Variants in FRMPD3 observed in about 807,000 individuals in gnomAD.
FRMPD3 encodes the protein FERM and PDZ domain-containing protein 3.
Under a neutral mutation model 97.9 loss-of-function variants are expected in FRMPD3, and 42 were observed. The observed-to-expected ratio is 0.43, with a 90% confidence interval of 0.34 to 0.55. FRMPD3 has a LOEUF of 0.55. Among genes scored for constraint, FRMPD3 ranks in the 20% least tolerant of loss-of-function variants. The pLI is 0.03. For missense variants in FRMPD3, 1,303 were observed against 1,457.7 expected (o/e 0.89, Z 1.73); for synonymous variants, 577 against 581.1 (o/e 0.99, Z 0.10).
intron 4 of FRMPD3, among the ~76,000 whole-genome samples, chrX:107,535,967 G>A (rs1923220243): frequency 9.0e-6 from 1 of 111,295 alleles, no homozygotes; most frequent in East Asian, 2.8e-4. Context: ...AGGATTCCTC[G>A]TGTTGTCCTT....
intron 1 of FRMPD3, among the ~76,000 whole-genome samples, chrX:107,489,072 G>T (rs1483817805): frequency 9.9e-6 from 1 of 101,009 alleles, no homozygotes; most frequent in African/African-American, 3.7e-5. Context: ...ACCTATGAGT[G>T]AGAACATGTG....
rs769787997 is a variant in FRMPD3 at position 107,597,570 on chromosome X, C to T, written c.1691C>T (p.Pro564Leu). The T allele has an allele frequency of 4.6e-5, 56 of 1,208,899 alleles. No homozygotes were observed. Among genetic ancestry groups the T allele is most frequent in the Non-Finnish European group, 6.0e-5 (54 of 895,126 alleles). The change falls in exon 14 of 15, where the codon CCC becomes CTC. Residue 564 changes from proline to leucine, a missense_variant. Pro to Leu is a moderately conservative substitution (Grantham distance 98). Around this residue, in one of 3 missense-constraint regions of FRMPD3, gnomAD observed 535 missense variants for 618.6 expected, o/e 0.86. Coordinates refer to ENST00000683843, the MANE Select transcript of FRMPD3 (RefSeq NM_001388459.1). Reference protein sequence around the residue: ...EETRPRTKSDPTSKSSGQGYE... With the variant: ...EETRPRTKSDLTSKSSGQGYE... ...ACCAGGCCCCGAACCAAGTCTGACC[C>T]CACATCCAAAAGCTCTGGCCAAGGT...
chrX:107,515,923 G>A (rs1242824649), intron 1 of FRMPD3, among the ~76,000 whole-genome samples: 1 of 110,844 alleles, frequency 9.0e-6, no homozygotes, highest in African/African-American at 3.3e-5. Context: ...TGTGCACAAC[G>A]TGCAGGTTAG....
chrX:107,584,851 G>A (rs1047916330), intron 13 of FRMPD3, among the ~76,000 whole-genome samples: 8 of 111,825 alleles, frequency 7.2e-5, no homozygotes, highest in African/African-American at 2.0e-4. Flanking sequence ...CTGTAGCCTC[G>A]TAGTATAGTT....
At chrX:107,514,928 A>G (rs1922268486) in intron 1 of FRMPD3, among the ~76,000 whole-genome samples, 1 of 111,573 alleles carries the variant, frequency 9.0e-6, no homozygotes, top group Non-Finnish European at 1.9e-5. Flanking sequence ...AATGACTCTC[A>G]GGTTTCTGGC....
chrX:107,486,886 C>T (rs1473959604), intron 1 of FRMPD3, among the ~76,000 whole-genome samples: 3 of 109,992 alleles, frequency 2.7e-5, no homozygotes, highest in Non-Finnish European at 5.7e-5. Flanking sequence ...TTTGTTTTGT[C>T]TAAGGAAAGT....
intron 6 of FRMPD3, 132 bp from the exon 7 acceptor site, chrX:107,552,663 G>C: frequency 1.5e-6 from 1 of 679,232 alleles, no homozygotes. Flanking sequence ...TACTATAAAG[G>C]CCAGTGTTGC....
At chrX:107,572,911 A>ACTACTACTACTACTACTAC (rs1365575864) in intron 12 of FRMPD3, among the ~76,000 whole-genome samples, 7 of 87,588 alleles carry the variant, frequency 8.0e-5, no homozygotes, top group African/African-American at 3.8e-4. Context: ...ACTACTACTA[A>ACTACTACTACTACTACTAC]TAATAATAAT....
At chrX:107,530,091 T>C (rs12011206) in intron 2 of FRMPD3, among the ~76,000 whole-genome samples, 12,429 of 111,775 alleles carry the variant, frequency 0.11, 1,496 homozygotes, top group African/African-American at 0.36. Flanking sequence ...TGGAACAGCA[T>C]CCTCTAACTA....
chrX:107,559,781 C>A (rs754729707), intron 8 of FRMPD3, among the ~76,000 whole-genome samples: 3 of 111,030 alleles, frequency 2.7e-5, no homozygotes, highest in Admixed American at 9.6e-5. Context: ...ATGCCTCCCC[C>A]ATCCCTGCAA....
intron 12 of FRMPD3, among the ~76,000 whole-genome samples, chrX:107,566,551 G>A (rs1023384353): frequency 8.9e-6 from 1 of 112,288 alleles, no homozygotes; most frequent in African/African-American, 3.2e-5. Flanking sequence ...GGCTTCCTGA[G>A]AAATAAAAGG....
chrX:107,467,422 C>A (rs777733940), intron 1 of FRMPD3, among the ~76,000 whole-genome samples: 1 of 111,288 alleles, frequency 9.0e-6, no homozygotes, highest in South Asian at 3.9e-4. Flanking sequence ...GAGACCTAAG[C>A]ATAGGACTAT....
At chrX:107,456,721 T>C (rs1406990238) in intron 1 of FRMPD3, among the ~76,000 whole-genome samples, 1 of 112,135 alleles carries the variant, frequency 8.9e-6, no homozygotes, top group African/African-American at 3.2e-5. Context: ...TAAAGGCCCT[T>C]TCAACAGCCC....
At position 107,602,032 on chromosome X, in the gene FRMPD3, C is replaced by G; in HGVS notation, c.3993C>G (p.Ser1331Arg). 1 of 1,181,138 alleles carries G rather than the reference C, an allele frequency of 8.5e-7. No individual in the cohort carries two copies. Among genetic ancestry groups the G allele is most frequent in the South Asian group, 1.9e-5 (1 of 51,605 alleles). ...GGGAAAGGGACAGAGTCCTCCCTAG[C>G]CAGAGGCAGCCAGAGGCTGGCCCAG... Reference protein sequence around the residue: ...RGRERDRVLPSQRQPEAGPGV... With the variant: ...RGRERDRVLPRQRQPEAGPGV... The change falls in exon 15 of 15, where the codon AGC becomes AGG. Residue 1331 changes from serine (S) to arginine (R), a missense_variant. Coordinates refer to ENST00000683843, the MANE Select transcript of FRMPD3 (RefSeq NM_001388459.1).
chrX:107,558,227 C>A (rs1314665520), intron 8 of FRMPD3, among the ~76,000 whole-genome samples: 10 of 110,987 alleles, frequency 9.0e-5, no homozygotes, highest in Non-Finnish European at 1.7e-4. Context: ...ATAGGTCTTT[C>A]ATATGTTTTG....
intron 1 of FRMPD3, among the ~76,000 whole-genome samples, chrX:107,467,343 C>G (rs1455041360): frequency 9.2e-6 from 1 of 109,172 alleles, no homozygotes; most frequent in African/African-American, 3.3e-5. Flanking sequence ...GTGTGGTGGC[C>G]TCCGAGGACT....
intron 1 of FRMPD3, among the ~76,000 whole-genome samples, chrX:107,451,073 T>C (rs772901100): frequency 1.8e-5 from 2 of 111,631 alleles, no homozygotes; most frequent in Non-Finnish European, 3.8e-5. Context: ...GTTTGACACC[T>C]TCCCCCAGAA....
At chrX:107,501,757 A>G (rs1263337642) in intron 1 of FRMPD3, among the ~76,000 whole-genome samples, 1 of 106,972 alleles carries the variant, frequency 9.3e-6, no homozygotes, top group Non-Finnish European at 1.9e-5. Context: ...CAGAAGATGA[A>G]TGACATAAGC....
rs1203795238 is a variant in FRMPD3 at position 107,603,224 on chromosome X, C to G, written c.5185C>G (p.Gln1729Glu). The G allele has an allele frequency of 8.5e-7, 1 of 1,169,819 alleles. No individual in the cohort carries two copies. Among genetic ancestry groups the G allele is most frequent in the Admixed American group, 2.6e-5 (1 of 38,963 alleles). Reference sequence around the variant, plus strand: ...GCAACAACAACAGCAGCAGCAGCAACAACAACAGCAGCAGCAACAACAACA... The same window carrying G: ...GCAACAACAACAGCAGCAGCAGCAAGAACAACAGCAGCAGCAACAACAACA... ...QQQQQQQQQQ[Q>E]QQQQQQQQQQ... Residue 1729 changes from glutamine (Q) to glutamate (E), a missense_variant, in exon 15 of 15, where the codon CAA becomes GAA. Physicochemically the swap from Gln to Glu is conservative, Grantham distance 29. Transcript: ENST00000683843.
Sources: allele counts gnomAD v4.1 joint callset (sites outside exome capture counted in the v4.1 genomes callset), GRCh38; gene constraint gnomAD v4.1.1; regional missense constraint gnomAD v4.1.1; transcripts MANE v1.5; gene names NCBI Gene and HGNC (gene_info 2026-07-23, HGNC 2026-07-21).